The following NCOR1 variants were observed in gnomAD, a reference collection of about 807,000 sequenced individuals.
NCOR1 encodes protein phosphatase 1, regulatory subunit 109.
In NCOR1, 63 loss-of-function variants were observed where a neutral mutation model predicts 288.1. The observed-to-expected ratio is 0.22, with a 90% CI of 0.18 to 0.27. The LOEUF (loss-of-function observed/expected upper bound fraction) is 0.27. Ranked by LOEUF, NCOR1 falls within the 10% of genes least tolerant of loss-of-function variation. The pLI is 1.00. For missense variants in NCOR1, 2,397 were observed against 3,019.2 expected, an observed-to-expected ratio of 0.79 and a Z score of 4.83; for synonymous variants, 1,007 against 1,065.9, an observed-to-expected ratio of 0.94 and a Z score of 1.08.
In NCOR1 at chr17:16,031,211, A is replaced by G. The variant is rs1971927188; in HGVS notation, c.*1085T>C. 1 of 199,948 alleles carries G rather than the reference A, an allele frequency of 5.0e-6. No homozygotes were observed. The highest frequency in any genetic ancestry group is 1.0e-5 in the Non-Finnish European group (1 of 96,976). The allele number at this position is 199,948 out of a possible 1,614,324, so 12.4% of individuals were successfully genotyped here. On this transcript the variant is annotated 3_prime_UTR_variant, in exon 46 of 46. Transcript: ENST00000268712. ...GCAAAGTGAGAGTAAATGCTGGTCC[A>G]TAGTGATGGGGAAAAAGGACTGTGT...
Position 16,071,583 on chromosome 17 carries a change from T to G in NCOR1, c.3978A>C (p.Arg1326=), listed in dbSNP as rs201586789. The change falls in exon 30 of 46, where the codon CGA becomes CGC. Residue 1326 remains arginine, a synonymous_variant. Transcript: ENST00000268712. ...CTTTGGTAATGGCACCTTCAAATGC[T>G]CGTATGGGAGGACTTTCCCTTTTAA... ...KQIKRESPPI[R]AFEGAITKGK... 2.5e-6 allele frequency: 4 copies of G among 1,614,096 alleles called. No individual in the cohort carries two copies. In the African/African-American group the frequency reaches 5.3e-5, roughly 22 times the overall value.
chr17:16,094,369 G>GT (rs1167958222), intron 21 of NCOR1, among the ~76,000 whole-genome samples: 1 of 152,114 alleles, frequency 6.6e-6, no homozygotes, highest in East Asian at 1.9e-4. Context: ...TCTTTTTGTG[G>GT]TAAGTACACA....
At chr17:16,100,995 C>T (rs1327374716) in intron 20 of NCOR1, among the ~76,000 whole-genome samples, 2 of 152,306 alleles carry the variant, frequency 1.3e-5, no homozygotes, top group East Asian at 3.9e-4. Flanking sequence ...GTTGAAATTC[C>T]CTGTTATGCT....
intron 26 of NCOR1, among the ~76,000 whole-genome samples, chr17:16,077,033 C>CCT: frequency 6.6e-6 from 1 of 152,212 alleles, no homozygotes; most frequent in South Asian, 2.1e-4. Context: ...ATTCACCTGA[C>CCT]CTCTCTCTCT....
At chr17:16,073,626 G>C (rs1481716189) in intron 27 of NCOR1, 57 bp from the exon 28 acceptor site, 17 of 1,387,570 alleles carry the variant, frequency 1.2e-5, no homozygotes, top group Non-Finnish European at 1.6e-5. Flanking sequence ...ACAATGTACA[G>C]TAAATAGGTT....
In NCOR1 at chr17:16,137,294, C is replaced by G; in HGVS notation, c.1509+17G>C. On this transcript the variant is annotated intron_variant, in intron 14 of 45. Coordinates refer to ENST00000268712, the MANE Select transcript of NCOR1 (RefSeq NM_006311.4). ...CCCCAATCCTGAAATATCTTCCATA[C>G]AAGTAAGAAAACACACCTGGTTTCT... The G allele has an allele frequency of 6.5e-7, 1 of 1,532,414 alleles. No homozygotes were observed. The highest frequency in any genetic ancestry group is 9.0e-7 in the Non-Finnish European group (1 of 1,115,112). 94.9% of individuals were successfully genotyped at this position (1,532,414 alleles called of 1,614,324 possible).
At chr17:16,201,336 C>T (rs1171582570) in intron 1 of NCOR1, among the ~76,000 whole-genome samples, 3 of 152,184 alleles carry the variant, frequency 2.0e-5, no homozygotes, top group African/African-American at 4.8e-5. Context: ...CAGTGGCTCA[C>T]GCCTGTAATC....
At chr17:16,083,791 G>C (rs558719050) in intron 23 of NCOR1, among the ~76,000 whole-genome samples, 6 of 152,032 alleles carry the variant, frequency 3.9e-5, no homozygotes, top group South Asian at 4.1e-4. Flanking sequence ...TGGGTGGTTT[G>C]TGCTACTTTC....
intron 1 of NCOR1, among the ~76,000 whole-genome samples, chr17:16,199,258 A>G (rs535647600): frequency 2.0e-5 from 3 of 149,146 alleles, no homozygotes; most frequent in African/African-American, 7.6e-5. Flanking sequence ...CAAAATCAGG[A>G]AATTAGCCCC....
chr17:16,149,359 G>A (rs1385528515), intron 9 of NCOR1, 92 bp downstream of exon 9: 4 of 519,840 alleles, frequency 7.7e-6, no homozygotes, highest in Admixed American at 3.1e-5. Flanking sequence ...TGGAGTCAAG[G>A]ACCACTCTCA....
intron 6 of NCOR1, 49 bp from the exon 7 acceptor site, chr17:16,153,444 T>C (rs951756946): frequency 3.3e-6 from 4 of 1,217,664 alleles, no homozygotes; most frequent in Non-Finnish European, 2.3e-6. Flanking sequence ...TTACATTATC[T>C]AAGTGCAAAA....
chr17:16,116,182 T>A (rs1045919640), intron 18 of NCOR1, among the ~76,000 whole-genome samples: 12 of 152,210 alleles, frequency 7.9e-5, no homozygotes, highest in African/African-American at 2.7e-4. Context: ...GCCTGCCCCA[T>A]GATTCAATTA....
At chr17:16,212,367 T>A (rs1043081735) in intron 1 of NCOR1, among the ~76,000 whole-genome samples, 2 of 152,210 alleles carry the variant, frequency 1.3e-5, no homozygotes, top group Non-Finnish European at 2.9e-5. Context: ...TAGTATTTAG[T>A]AGTGTGCCAG....
intron 1 of NCOR1, among the ~76,000 whole-genome samples, chr17:16,209,972 T>C (rs1212494153): frequency 1.3e-5 from 2 of 152,020 alleles, no homozygotes; most frequent in Non-Finnish European, 2.9e-5. Flanking sequence ...TTCATGTTTG[T>C]GCTATTTATC....
chr17:16,159,247 C>G lies in NCOR1; in HGVS notation c.619-374G>C, dbSNP rs187061687. On this transcript the variant is annotated intron_variant, in intron 5 of 45. Transcript: ENST00000268712. ...TGACTAACATGGAGAAACCCCATCT[C>G]TACTAAAAATACAAAATTAGCTGGG... is the stretch of plus-strand genomic sequence containing the variant. Among the ~76,000 whole-genome samples the G allele has an allele frequency of 5.3e-5, 8 of 151,948 alleles. No individual in the cohort carries two copies. In the East Asian group the frequency reaches 1.4e-3, roughly 26 times the overall value.
intron 14 of NCOR1, among the ~76,000 whole-genome samples, chr17:16,132,976 T>C (rs1354846516): frequency 6.6e-6 from 1 of 151,846 alleles, no homozygotes; most frequent in Admixed American, 6.6e-5. Flanking sequence ...CTCTCTTCTT[T>C]CTTTTTTTTC....
chr17:16,033,513 A>C (rs1972944721), intron 45 of NCOR1, among the ~76,000 whole-genome samples: 1 of 152,164 alleles, frequency 6.6e-6, no homozygotes, highest in Non-Finnish European at 1.5e-5. Context: ...GAGTTTTATA[A>C]TGCAAAAGCC....
chr17:16,072,572 G>A (rs2061883997), intron 28 of NCOR1, among the ~76,000 whole-genome samples: 1 of 152,068 alleles, frequency 6.6e-6, no homozygotes, highest in Admixed American at 6.5e-5. Flanking sequence ...TGTGATAAAG[G>A]GAAAACGGGA....
chr17:16,170,481 T>C (rs1427207999), intron 4 of NCOR1, among the ~76,000 whole-genome samples: 1 of 152,182 alleles, frequency 6.6e-6, no homozygotes, highest in African/African-American at 2.4e-5. Flanking sequence ...ATTCTGTATC[T>C]ACTAAGTGTC....
Sources: allele counts gnomAD v4.1 joint callset (sites outside exome capture counted in the v4.1 genomes callset), GRCh38; gene constraint gnomAD v4.1.1; transcripts MANE v1.5; gene names NCBI Gene and HGNC (gene_info 2026-07-23, HGNC 2026-07-21).